The following SPTBN1 variants were observed in gnomAD, a reference collection of about 807,000 sequenced individuals.
The protein encoded by SPTBN1 is spectrin beta, non-erythrocytic 1.
SPTBN1 carries 32 observed loss-of-function variants against 266.4 expected under a neutral mutation model. The ratio of observed to expected loss-of-function variants is 0.12; its 90% CI spans 0.09 to 0.16. SPTBN1 has a LOEUF of 0.16. Ranked by LOEUF, SPTBN1 falls within the 10% of genes least tolerant of loss-of-function variation. The pLI, the probability that SPTBN1 is intolerant of heterozygous loss-of-function variation, is 1.00. For synonymous variants in SPTBN1, 1,336 were observed against 1,162.2 expected, an observed-to-expected ratio of 1.15 and a Z score of -3.04; for missense variants, 2,296 against 3,067.1, an observed-to-expected ratio of 0.75 and a Z score of 5.94.
intron 18 of SPTBN1, among the ~76,000 whole-genome samples, chr2:54,638,505 G>A (rs951027464): frequency 2.1e-4 from 32 of 152,218 alleles, no homozygotes; most frequent in African/African-American, 7.5e-4. Flanking sequence ...AAGTTTTAAT[G>A]TGGCATTAAT....
chr2:54,652,497 A>G (rs1269255252), intron 26 of SPTBN1: 1 of 152,164 alleles, frequency 6.6e-6, no homozygotes, highest in Non-Finnish European at 1.5e-5. Context: ...ACTGATAGTC[A>G]CTTTATTTTC....
rs1572761480 is a variant in SPTBN1 at position 54,653,800 on chromosome 2, C to T, written c.5769C>T (p.Leu1923=). The T allele has an allele frequency of 4.3e-6, 7 of 1,614,158 alleles. No individual in the cohort carries two copies. The highest frequency in any genetic ancestry group is 5.1e-6 in the Non-Finnish European group (6 of 1,180,020). ...GCTTCTTCAGCATGGTGCGCGACCT[C>T]ATGCTCTGGATGGAGGATGTCATCC... ...KFRFFSMVRD[L]MLWMEDVIRQ... is the part of the protein sequence containing the mutation. The change falls in exon 27 of 36, where the codon CTC becomes CTT. Residue 1923 remains leucine, a synonymous_variant. Transcript: ENST00000356805. The surrounding 1 kb of genome is among the most constrained non-coding windows in gnomAD (Gnocchi z 5.1).
At position 54,631,624 on chromosome 2, in the gene SPTBN1, C is replaced by G; in HGVS notation, c.3564+13C>G. The G allele has an allele frequency of 6.3e-7, 1 of 1,599,440 alleles. No individual in the cohort carries two copies. Among genetic ancestry groups the G allele is most frequent in the Non-Finnish European group, 8.5e-7 (1 of 1,171,928 alleles). On this transcript the variant is annotated intron_variant, in intron 16 of 35. Coordinates refer to ENST00000356805, the MANE Select transcript of SPTBN1 (RefSeq NM_003128.3). ...TCTTAACAACCAGGTAAGGTTTGTT[C>G]CTGCCTTTGCTTCCTTTCGGTGAAA...
At chr2:54,493,474 C>T (rs1422086154) in intron 1 of SPTBN1, among the ~76,000 whole-genome samples, 1 of 151,448 alleles carries the variant, frequency 6.6e-6, no homozygotes, top group Non-Finnish European at 1.5e-5. Flanking sequence ...GGCGTGATCT[C>T]AGCTCACTGC....
chr2:54,462,647 G>GTATATTCCATA lies in SPTBN1; in HGVS notation c.-48+6129_-48+6130insTATATTCCATA, dbSNP rs1166499467. ...AATAAGAATTAGTTCCTGAATGAAAGGACTGTATACTCTAGTATATGGAAT... is the reference window on the plus strand; with the variant it reads ...AATAAGAATTAGTTCCTGAATGAAAGTATATTCCATAGACTGTATACTCTAGTATATGGAAT... On this transcript the variant is annotated intron_variant, in intron 1 of 35. Transcript: ENST00000356805. Among the ~76,000 whole-genome samples, 3 of 152,302 alleles carry GTATATTCCATA rather than the reference G, an allele frequency of 2.0e-5. No individual in the cohort carries two copies. The East Asian group carries it at 5.8e-4, about 29-fold the overall frequency.
intron 16 of SPTBN1, 142 bp downstream of exon 16, chr2:54,631,753 A>G (rs1678747778): frequency 2.6e-6 from 3 of 1,140,496 alleles, no homozygotes; most frequent in East Asian, 4.9e-5. Flanking sequence ...TTTTTTCCCC[A>G]TACTCTTAAG....
At chr2:54,557,429 C>G (rs1246280139) in intron 2 of SPTBN1, among the ~76,000 whole-genome samples, 1 of 151,982 alleles carries the variant, frequency 6.6e-6, no homozygotes, top group East Asian at 1.9e-4. Context: ...GGGGGGAGAT[C>G]TAGAGTCAAT....
chr2:54,498,794 C>T (rs891499374), intron 1 of SPTBN1, among the ~76,000 whole-genome samples: 2 of 152,024 alleles, frequency 1.3e-5, no homozygotes, highest in African/African-American at 2.4e-5. Context: ...GTCTGGAGCC[C>T]GTACTTTATG....
At position 54,649,656 on chromosome 2, in the gene SPTBN1, G is replaced by A. The variant is rs757020890; in HGVS notation, c.5244G>A (p.Gly1748=). The A allele has an allele frequency of 5.6e-6, 9 of 1,611,808 alleles. No individual in the cohort carries two copies. The highest frequency in any genetic ancestry group is 2.2e-5 in the South Asian group (2 of 91,062). The part of the protein sequence containing the change: ...ERFREFARDT[G]NIGQERVDTV... ...TCCGGGAGTTTGCCCGAGACACCGG[G>A]AACATTGGGCAGGAGCGCGTGGACA... is the stretch of plus-strand genomic sequence containing the variant. The change falls in exon 26 of 36, where the codon GGG becomes GGA. Residue 1748 remains glycine, a synonymous_variant. Transcript: ENST00000356805. The surrounding 1 kb of genome is among the most constrained non-coding windows in gnomAD (Gnocchi z 6.7).
At chr2:54,600,504 G>A (rs1027762093) in intron 3 of SPTBN1, among the ~76,000 whole-genome samples, 2 of 152,170 alleles carry the variant, frequency 1.3e-5, no homozygotes, top group African/African-American at 4.8e-5. Flanking sequence ...TTTGTGGTCT[G>A]GGGGTGAGGG....
intron 1 of SPTBN1, among the ~76,000 whole-genome samples, chr2:54,461,993 A>G (rs1693391106): frequency 6.6e-6 from 1 of 152,214 alleles, no homozygotes; most frequent in South Asian, 2.1e-4. Context: ...TGGAAAGAGC[A>G]TTCGTTTTGG....
chr2:54,568,349 CAAAAAAAAAAAAAAAA>C (rs888478845), intron 2 of SPTBN1, among the ~76,000 whole-genome samples: 1 of 95,692 alleles, frequency 1.0e-5, no homozygotes, highest in Non-Finnish European at 2.1e-5. Context: ...GACTCTGTCT[CAAAAAAAAAAAAAAAA>C]AAAAAAAGAA....
chr2:54,643,278 C>G (rs746018331), intron 19 of SPTBN1, 149 bp downstream of exon 19: 1 of 1,220,364 alleles, frequency 8.2e-7, no homozygotes, highest in Non-Finnish European at 1.1e-6. Flanking sequence ...TTTGCACGTA[C>G]GGGTTCCTGA....
At position 54,668,560 on chromosome 2, in the gene SPTBN1, A is replaced by T. The variant is rs778384485; in HGVS notation, c.7086A>T (p.Lys2362Asn). 6.2e-7 allele frequency: 1 copy of T among 1,612,616 alleles called. No individual in the cohort carries two copies. Among genetic ancestry groups the T allele is most frequent in the Non-Finnish European group, 8.5e-7 (1 of 1,179,226 alleles). ...AGAAGCGGTTCAGCCTTTTTGGCAA[A>T]AAGAAATGAACTCCTTTCCTTCACC... Reference protein sequence around the residue: ...DKEKRFSLFGKKK With the variant: ...DKEKRFSLFGNKK The change falls in exon 36 of 36, where the codon AAA becomes AAT. Residue 2362 changes from lysine (K) to asparagine (N), a missense_variant. Around this residue, in one of 12 missense-constraint regions of SPTBN1, gnomAD observed 347 missense variants for 368.5 expected, o/e 0.94. Transcript: ENST00000356805.
intron 7 of SPTBN1, among the ~76,000 whole-genome samples, chr2:54,619,904 A>G (rs1026839906): frequency 1.3e-5 from 2 of 152,140 alleles, no homozygotes; most frequent in African/African-American, 4.8e-5. Context: ...AAGAGAAACA[A>G]TTTTGCTCCA....
chr2:54,480,254 G>A (rs1421470101), intron 1 of SPTBN1, among the ~76,000 whole-genome samples: 1 of 152,146 alleles, frequency 6.6e-6, no homozygotes, highest in African/African-American at 2.4e-5. Context: ...AGAATGGTTG[G>A]GAGGTTGAGT....
rs34044536 is a variant in SPTBN1 at position 54,471,475 on chromosome 2, A to ATT, written c.-48+14971_-48+14972dup. The stretch of plus-strand genomic sequence containing the variant: ...CTCCATTCACTCAGATGGTGGTCTG[A>ATT]TTTTTTTTTTTTTTTCAGTCAGGCA... On this transcript the variant is annotated intron_variant, in intron 1 of 35. Transcript: ENST00000356805. Among the ~76,000 whole-genome samples the ATT allele has an allele frequency of 2.9e-3, 417 of 143,680 alleles. 4 individuals carry two copies. Among genetic ancestry groups the ATT allele is most frequent in the African/African-American group, 7.3e-3 (282 of 38,684 alleles). The allele number at this position is 143,680 out of a possible 152,430, so 94.3% of individuals were successfully genotyped here.
intron 1 of SPTBN1, among the ~76,000 whole-genome samples, chr2:54,523,543 C>T (rs1339748236): frequency 1.3e-5 from 2 of 152,172 alleles, no homozygotes; most frequent in Non-Finnish European, 2.9e-5. Flanking sequence ...CAAGAGCCTA[C>T]TGTTTATTTA....
chr2:54,527,245 G>A (rs1432997640), intron 2 of SPTBN1: 4 of 152,126 alleles, frequency 2.6e-5, no homozygotes, highest in African/African-American at 9.7e-5. Flanking sequence ...TGTAAACCAA[G>A]TATCAAAACC....
Sources: gnomAD v4.1 joint callset for allele counts (sites outside exome capture counted in the v4.1 genomes callset) on GRCh38, gnomAD v4.1.1 for gene constraint, gnomAD v4.1.1 regional missense constraint, Gnocchi (gnomAD v3.1) non-coding constraint, MANE v1.5 for transcripts, NCBI Gene and HGNC (gene_info 2026-07-23, HGNC 2026-07-21) for gene names.